BCL3: variants seen among roughly 807,000 people sequenced by gnomAD.
BCL3 encodes the protein BCL3 transcription coactivator, also known as B-cell lymphoma 3 protein.
In BCL3, 15 loss-of-function variants were observed where a neutral mutation model predicts 35.7. The observed-to-expected ratio is 0.42, with a 90% CI of 0.28 to 0.65. BCL3 has a LOEUF of 0.65. BCL3 is among the 30% of genes least tolerant of loss of function. BCL3 has a pLI of 0.22. For synonymous variants in BCL3, 311 were observed against 284.3 expected (o/e 1.09, Z -0.95); for missense variants, 565 against 641.7 (o/e 0.88, Z 1.29).
chr19:44,754,885 C>A (rs117448417), intron 2 of BCL3, among the ~76,000 whole-genome samples: 1 of 152,252 alleles, frequency 6.6e-6, no homozygotes, highest in Non-Finnish European at 1.5e-5. Context: ...CCCTAGCACG[C>A]GGCTACGCTA....
intron 2 of BCL3, among the ~76,000 whole-genome samples, chr19:44,753,791 C>A (rs1399599001): frequency 8.4e-6 from 1 of 119,052 alleles, no homozygotes; most frequent in Non-Finnish European, 1.6e-5. Flanking sequence ...AGGGACTGGG[C>A]AGCCAGAAAC....
Position 44,759,663 on chromosome 19 carries a change from C to CCCT in BCL3, c.*49_*51dup. On this transcript the variant is annotated 3_prime_UTR_variant, in exon 9 of 9. Transcript: ENST00000164227. Reference sequence around the variant, plus strand: ...GGACTCATGAGGAGGGGCCCCCCTGCCCTGTGGGGTCAACCCTTCTGGAAA... The same window carrying CCCT: ...GGACTCATGAGGAGGGGCCCCCCTGCCCTCCTGTGGGGTCAACCCTTCTGGAAA... 7.0e-7 allele frequency: 1 copy of CCCT among 1,430,716 alleles called. No individual in the cohort carries two copies. Among genetic ancestry groups the CCCT allele is most frequent in the Admixed American group, 2.2e-5 (1 of 45,832 alleles). 88.6% of individuals were successfully genotyped at this position (1,430,716 alleles called of 1,614,324 possible). A position where few individuals can be genotyped will look rare whatever the true frequency, so the allele number is the denominator to read the frequency against.
chr19:44,748,933 G>C lies in BCL3; in HGVS notation c.143G>C (p.Arg48Pro), dbSNP rs1051354638. ...CCCTCCCCGGAGCCCGCCGCTCCCCGCGGCGCTGCGGGCCTTGTCGTCCCC... is the reference window on the plus strand; with the variant it reads ...CCCTCCCCGGAGCCCGCCGCTCCCCCCGGCGCTGCGGGCCTTGTCGTCCCC... ...RAPSPEPAAP[R>P]GAAGLVVPLD... Residue 48 changes from arginine to proline, a missense_variant, in exon 1 of 9, where the codon CGC (arginine) becomes CCC (proline). Physicochemically the swap from Arg to Pro is moderately radical, Grantham distance 103. Coordinates refer to ENST00000164227, the MANE Select transcript of BCL3 (RefSeq NM_005178.5). The C allele has an allele frequency of 8.3e-7, 1 of 1,203,558 alleles. No homozygotes were observed. Among genetic ancestry groups the C allele is most frequent in the East Asian group, 3.7e-5 (1 of 27,372 alleles). The allele number at this position is 1,203,558 out of a possible 1,614,324, so 74.6% of individuals were successfully genotyped here. A position where few individuals can be genotyped will look rare whatever the true frequency, so the allele number is the denominator to read the frequency against.
intron 6 of BCL3, 74 bp from the exon 7 acceptor site, chr19:44,758,172 C>T (rs894982538): frequency 1.4e-5 from 19 of 1,387,198 alleles, no homozygotes; most frequent in Non-Finnish European, 1.6e-5. Flanking sequence ...GGCCACCCAC[C>T]CGGGCCTCCA....
Position 44,757,461 on chromosome 19 carries a change from G to T in BCL3, c.813+46G>T. On this transcript the variant is annotated intron_variant, in intron 5 of 8. Transcript: ENST00000164227. The surrounding 1 kb of genome is among the most constrained non-coding windows in gnomAD (Gnocchi z 8.4). ...GGGAGGGAGCGGGGCCTTAGCAGGG[G>T]CGGGGTCTTGGCGGGGGCGGGGCCA... 1.3e-6 allele frequency: 2 copies of T among 1,535,726 alleles called. No individual in the cohort carries two copies. Among genetic ancestry groups the T allele is most frequent in the Non-Finnish European group, 1.8e-6 (2 of 1,134,494 alleles).
chr19:44,759,333 C>G, intron 8 of BCL3, 95 bp from the exon 9 acceptor site: 1 of 894,434 alleles, frequency 1.1e-6, no homozygotes, highest in Non-Finnish European at 1.7e-6. Context: ...AGACCCCCAG[C>G]CCCTCCTCCC....
At chr19:44,748,088 G>T (rs1316533858), upstream of BCL3, 3 of 1,337,776 alleles carry the variant, frequency 2.2e-6, no homozygotes, top group Admixed American at 2.2e-5. Flanking sequence ...AGGAGGAAAC[G>T]GCTCAGAGAG....
intron 2 of BCL3, 105 bp downstream of exon 2, chr19:44,751,485 C>T (rs1244999284): frequency 1.6e-6 from 2 of 1,233,260 alleles, no homozygotes; most frequent in Non-Finnish European, 2.2e-6. Flanking sequence ...ACTCGGTCTC[C>T]ACCACAGGCT....
At position 44,756,958 on chromosome 19, in the gene BCL3, G is replaced by C. The variant is rs1344556752; in HGVS notation, c.520-59G>C. ...AGGAATAAGGGTTCAGAAAACCTGG[G>C]GGAGGCAGGACTAGAGAGCAGGGCT... On this transcript the variant is annotated intron_variant, in intron 3 of 8. Coordinates refer to ENST00000164227, the MANE Select transcript of BCL3 (RefSeq NM_005178.5). The C allele has an allele frequency of 2.7e-6, 4 of 1,473,882 alleles. No homozygotes were observed. In the African/African-American group the frequency reaches 5.6e-5, roughly 21 times the overall value. The allele number at this position is 1,473,882 out of a possible 1,614,324, so 91.3% of individuals were successfully genotyped here.
Position 44,756,307 on chromosome 19 carries a change from C to G in BCL3, c.486C>G (p.Gly162=). 1.3e-6 allele frequency: 2 copies of G among 1,542,210 alleles called. No individual in the cohort carries two copies. Among genetic ancestry groups the G allele is most frequent in the Non-Finnish European group, 8.8e-7 (1 of 1,140,066 alleles). Residue 162 remains glycine, a synonymous_variant, in exon 3 of 9, where the codon GGC becomes GGG. Coordinates refer to ENST00000164227, the MANE Select transcript of BCL3 (RefSeq NM_005178.5). ...HRLVNLFQQG[G]RELDIYNNLR... ...TGGTCAACCTCTTCCAGCAGGGGGG[C>G]CGGGAGCTCGACATCTACAACAACC...
intron 2 of BCL3, among the ~76,000 whole-genome samples, chr19:44,753,783 G>A (rs1336988786): frequency 7.0e-6 from 1 of 142,814 alleles, no homozygotes; most frequent in East Asian, 2.3e-4. Context: ...AAGAGGTTAG[G>A]GACTGGGCAG....
intron 2 of BCL3, among the ~76,000 whole-genome samples, chr19:44,754,014 C>T (rs1006167754): frequency 2.6e-5 from 4 of 152,120 alleles, no homozygotes; most frequent in African/African-American, 9.7e-5. Flanking sequence ...TTCACGACAG[C>T]GGCAGCAGGA....
upstream of BCL3, chr19:44,747,958 G>C (rs1372272403): frequency 1.2e-6 from 1 of 823,574 alleles, no homozygotes; most frequent in African/African-American, 1.8e-5. Context: ...AGCCCCTTTA[G>C]ACCCACAGCT....
chr19:44,758,525 G>A lies in BCL3; in HGVS notation c.1059+112G>A, dbSNP rs1450462624. The A allele has an allele frequency of 2.1e-6, 3 of 1,425,356 alleles. No homozygotes were observed. The Middle Eastern group carries it at 5.4e-4, about 257-fold the overall frequency. The allele number at this position is 1,425,356 out of a possible 1,614,324, so 88.3% of individuals were successfully genotyped here. A position where few individuals can be genotyped will look rare whatever the true frequency, so the allele number is the denominator to read the frequency against. The stretch of plus-strand genomic sequence containing the variant: ...GAGGGTGTCTGTGCCGTTGCGTGGA[G>A]GGGAGTGGGTGAGCCTCTGAAAGCG... On this transcript the variant is annotated intron_variant, in intron 7 of 8. Coordinates refer to ENST00000164227, the MANE Select transcript of BCL3 (RefSeq NM_005178.5).
In BCL3 at chr19:44,758,796, A is replaced by T. The variant is rs1396811848; in HGVS notation, c.1132A>T (p.Ser378Cys). ...TSQPDPSPDR[S>C]ANTSPESSSR... is the part of the protein sequence containing the mutation. Reference sequence around the variant, plus strand: ...CCAGCCAGACCCCTCCCCTGACCGGAGCGCCAACACCTCCCCCGAGAGCAG... The same window carrying T: ...CCAGCCAGACCCCTCCCCTGACCGGTGCGCCAACACCTCCCCCGAGAGCAG... The change falls in exon 8 of 9, where the codon AGC (serine) becomes TGC (cysteine). Residue 378 changes from serine (S) to cysteine (C), a missense_variant. By Grantham distance (112) the Ser-to-Cys change is moderately radical (BLOSUM62 -1). Around this residue, in one of 5 missense-constraint regions of BCL3, gnomAD observed 151 missense variants for 138.1 expected, o/e 1.09. Transcript: ENST00000164227. 6.2e-7 allele frequency: 1 copy of T among 1,608,120 alleles called. No individual in the cohort carries two copies. Among genetic ancestry groups the T allele is most frequent in the East Asian group, 2.2e-5 (1 of 44,774 alleles).
chr19:44,757,697 C>T lies in BCL3; in HGVS notation c.865C>T (p.Leu289Phe). Residue 289 changes from leucine (L) to phenylalanine (F), a missense_variant, in exon 6 of 9, where the codon CTT (leucine) becomes TTT (phenylalanine). Physicochemically the swap from Leu to Phe is conservative, Grantham distance 22. Coordinates refer to ENST00000164227, the MANE Select transcript of BCL3 (RefSeq NM_005178.5). This position sits in a 1 kb window ranked among gnomAD's most constrained non-coding sequence, Gnocchi z 8.4. ...PLIHAVENNS[L>F]SMVQLLLQHG... is the part of the protein sequence containing the mutation. ...CATCCACGCCGTGGAAAACAACAGCCTTAGCATGGTGCAGCTGCTGCTGCA... is the reference window on the plus strand; with the variant it reads ...CATCCACGCCGTGGAAAACAACAGCTTTAGCATGGTGCAGCTGCTGCTGCA... 3 of 1,613,950 alleles carry T rather than the reference C, an allele frequency of 1.9e-6. No homozygotes were observed. Among genetic ancestry groups the T allele is most frequent in the Non-Finnish European group, 2.5e-6 (3 of 1,179,920 alleles).
chr19:44,758,174 G>T, intron 6 of BCL3, 72 bp from the exon 7 acceptor site: 6 of 1,386,128 alleles, frequency 4.3e-6, no homozygotes, highest in South Asian at 1.6e-5. Flanking sequence ...CCACCCACCC[G>T]GGCCTCCAGC....
rs766876091 is a variant in BCL3, at chr19:44,758,504, G to T, written c.1059+91G>T. Reference sequence around the variant, plus strand: ...TGTGCCAGAGCGCAGAGGAGTGAGGGTGTCTGTGCCGTTGCGTGGAGGGGA... The same window carrying T: ...TGTGCCAGAGCGCAGAGGAGTGAGGTTGTCTGTGCCGTTGCGTGGAGGGGA... On this transcript the variant is annotated intron_variant, in intron 7 of 8. Coordinates refer to ENST00000164227, the MANE Select transcript of BCL3 (RefSeq NM_005178.5). 42 of 1,471,086 alleles carry T rather than the reference G, an allele frequency of 2.9e-5. No homozygotes were observed. In the South Asian group the frequency reaches 4.7e-4, roughly 16 times the overall value. The allele number at this position is 1,471,086 out of a possible 1,614,324, so 91.1% of individuals were successfully genotyped here.
In BCL3 at chr19:44,756,300, A is replaced by AG; in HGVS notation, c.485dup (p.Arg163ProfsTer79). On this transcript the variant is annotated frameshift_variant, in exon 3 of 9. Coordinates refer to ENST00000164227, the MANE Select transcript of BCL3 (RefSeq NM_005178.5). LOFTEE classifies it high-confidence loss of function. ...CACCGGCTGGTCAACCTCTTCCAGC[A>AG]GGGGGGCCGGGAGCTCGACATCTAC... 6 of 1,547,716 alleles carry AG rather than the reference A, an allele frequency of 3.9e-6. No individual in the cohort carries two copies. Among genetic ancestry groups the AG allele is most frequent in the East Asian group, 2.5e-5 (1 of 40,226 alleles).
Sources: gnomAD v4.1 joint callset for allele counts (sites outside exome capture counted in the v4.1 genomes callset) on GRCh38, gnomAD v4.1.1 for gene constraint, gnomAD v4.1.1 regional missense constraint, Gnocchi (gnomAD v3.1) non-coding constraint, MANE v1.5 for transcripts, NCBI Gene and HGNC (gene_info 2026-07-23, HGNC 2026-07-21) for gene names.